MAPKAPK5: variants seen among roughly 807,000 people sequenced by gnomAD.
MAPKAPK5 encodes the protein MAPK activated protein kinase 5.
In MAPKAPK5, 30 loss-of-function variants were observed where a neutral mutation model predicts 65.1. The observed-to-expected ratio is 0.46, with a 90% confidence interval of 0.34 to 0.63. The LOEUF (loss-of-function observed/expected upper bound fraction) is 0.63. MAPKAPK5 is among the 20% of genes least tolerant of loss of function. The pLI is 0.01. For missense variants in MAPKAPK5, 433 were observed against 581.4 expected, an observed-to-expected ratio of 0.74 and a Z score of 2.63; for synonymous variants, 179 against 204.6, an observed-to-expected ratio of 0.87 and a Z score of 1.07.
At chr12:111,862,793 T>C (rs1240661973) in intron 1 of MAPKAPK5, among the ~76,000 whole-genome samples, 3 of 152,218 alleles carry the variant, frequency 2.0e-5, no homozygotes, top group Non-Finnish European at 2.9e-5. Context: ...AATAGTTCAG[T>C]AGAACAAATC....
rs1160536703 is a variant in MAPKAPK5 at position 111,892,984 on chromosome 12, A to G, written c.1339A>G (p.Lys447Glu). 3 of 1,576,630 alleles carry G rather than the reference A, an allele frequency of 1.9e-6. No homozygotes were observed. The highest frequency in any genetic ancestry group is 2.6e-6 in the Non-Finnish European group (3 of 1,160,580). Residue 447 changes from lysine to glutamate, a missense_variant, in exon 14 of 14, where the codon AAA becomes GAA. Coordinates refer to ENST00000550735, the MANE Select transcript of MAPKAPK5 (RefSeq NM_003668.4). ...GCTTTCAGGTCGTGGATTCACAGATAAAGTAGATCGACTAAAACTGGCAGA... is the reference window on the plus strand; with the variant it reads ...GCTTTCAGGTCGTGGATTCACAGATGAAGTAGATCGACTAAAACTGGCAGA... ...FSWNGRGFTD[K>E]VDRLKLAEIV...
chr12:111,863,857 G>T (rs372826163), intron 1 of MAPKAPK5, among the ~76,000 whole-genome samples: 2 of 151,846 alleles, frequency 1.3e-5, no homozygotes, highest in Non-Finnish European at 2.9e-5. Flanking sequence ...CTCCCACCTC[G>T]GCCTCCCAAA....
chr12:111,873,717 A>G (rs1332113867), intron 7 of MAPKAPK5, among the ~76,000 whole-genome samples: 1 of 152,168 alleles, frequency 6.6e-6, no homozygotes, highest in Non-Finnish European at 1.5e-5. Flanking sequence ...TGTTTGTTTA[A>G]TATATGTATG....
At chr12:111,850,907 T>C (rs74519974) in intron 1 of MAPKAPK5, among the ~76,000 whole-genome samples, 3 of 117,222 alleles carry the variant, frequency 2.6e-5, no homozygotes, top group Admixed American at 8.0e-5. Context: ...TTCTTTTTTT[T>C]TTTTTTTTTT....
chr12:111,898,241 T>G lies in MAPKAPK5; in HGVS notation c.*5180T>G, dbSNP rs568461546. 1 of 151,712 alleles carries G rather than the reference T, an allele frequency of 6.6e-6. No homozygotes were observed. The highest frequency in any genetic ancestry group is 6.6e-5 in the Admixed American group (1 of 15,228). 9.4% of individuals were successfully genotyped at this position (151,712 alleles called of 1,614,324 possible). A position where few individuals can be genotyped will look rare whatever the true frequency, so the allele number is the denominator to read the frequency against. On this transcript the variant is annotated 3_prime_UTR_variant, in exon 14 of 14. Transcript: ENST00000550735. The stretch of plus-strand genomic sequence containing the variant: ...TGGAGTGCAATGGTGTGATCTCGGC[T>G]TACTGCAACCTACGCCTCCTGGGTT...
chr12:111,874,470 G>GTTTTTTT (rs79738806), intron 7 of MAPKAPK5, among the ~76,000 whole-genome samples: 1 of 133,398 alleles, frequency 7.5e-6, no homozygotes, highest in Admixed American at 7.7e-5. Flanking sequence ...TTTGTTTTGG[G>GTTTTTTT]TTTTTTTTTT....
At chr12:111,881,491 G>A (rs1307929020) in intron 8 of MAPKAPK5, among the ~76,000 whole-genome samples, 3 of 145,750 alleles carry the variant, frequency 2.1e-5, no homozygotes, top group Non-Finnish European at 3.0e-5. Context: ...TGCAACCTCC[G>A]CCTCCCGGGT....
intron 1 of MAPKAPK5, among the ~76,000 whole-genome samples, chr12:111,852,279 C>T (rs1426102543): frequency 2.6e-5 from 4 of 152,136 alleles, no homozygotes; most frequent in Non-Finnish European, 4.4e-5. Context: ...CCTGCCTCTC[C>T]TGCCTTCCTT....
rs1245796929 is a variant in MAPKAPK5, at chr12:111,901,493, T to A, written c.*8432T>A. 1 of 430,412 alleles carries A rather than the reference T, an allele frequency of 2.3e-6. No homozygotes were observed. Among genetic ancestry groups the A allele is most frequent in the Non-Finnish European group, 4.6e-6 (1 of 217,316 alleles). The allele number at this position is 430,412 out of a possible 1,614,324, so 26.7% of individuals were successfully genotyped here. On this transcript the variant is annotated 3_prime_UTR_variant, in exon 14 of 14. Coordinates refer to ENST00000550735, the MANE Select transcript of MAPKAPK5 (RefSeq NM_003668.4). Reference sequence around the variant, plus strand: ...TGATATTATCATTCATTATACTTTTTATAATATTATTATTAAGTACAATTA... The same window carrying A: ...TGATATTATCATTCATTATACTTTTAATAATATTATTATTAAGTACAATTA...
intron 1 of MAPKAPK5, among the ~76,000 whole-genome samples, chr12:111,843,959 C>T (rs576548578): frequency 2.6e-5 from 4 of 151,780 alleles, no homozygotes; most frequent in Admixed American, 2.0e-4. Context: ...ATTACAGGCG[C>T]CCACCCACCA....
At position 111,900,552 on chromosome 12, in the gene MAPKAPK5, C is replaced by T. The variant is rs571951649; in HGVS notation, c.*7491C>T. 4.8e-5 allele frequency: 22 copies of T among 455,996 alleles called. No homozygotes were observed. The highest frequency in any genetic ancestry group is 3.5e-4 in the Admixed American group (15 of 42,554). 28.2% of individuals were successfully genotyped at this position (455,996 alleles called of 1,614,324 possible). ...ATTTAACAAGCCACGGCCCAGGGGC[C>T]GCAAGCGTAGGGATTCTGCCTGTGG... On this transcript the variant is annotated 3_prime_UTR_variant, in exon 14 of 14. Coordinates refer to ENST00000550735, the MANE Select transcript of MAPKAPK5 (RefSeq NM_003668.4).
Position 111,868,932 on chromosome 12 carries a change from A to G in MAPKAPK5, c.393+71A>G, listed in dbSNP as rs1292445355. 6 of 1,156,016 alleles carry G rather than the reference A, an allele frequency of 5.2e-6. No homozygotes were observed. In the African/African-American group the frequency reaches 6.3e-5, roughly 12 times the overall value. 71.6% of individuals were successfully genotyped at this position (1,156,016 alleles called of 1,614,324 possible). On this transcript the variant is annotated intron_variant, in intron 5 of 13. Transcript: ENST00000550735. ...AACAAGCACAATTTCATTGGGGGGAAGAAAAGAAAACTTAAAGAAAAGCTC... is the reference window on the plus strand; with the variant it reads ...AACAAGCACAATTTCATTGGGGGGAGGAAAAGAAAACTTAAAGAAAAGCTC...
At chr12:111,869,620 G>A (rs1454803220) in intron 5 of MAPKAPK5, among the ~76,000 whole-genome samples, 2 of 152,200 alleles carry the variant, frequency 1.3e-5, no homozygotes, top group Non-Finnish European at 2.9e-5. Flanking sequence ...GGATTGCTGA[G>A]AAAATGCCAT....
chr12:111,860,801 TC>T (rs2069412866), intron 1 of MAPKAPK5, among the ~76,000 whole-genome samples: 1 of 151,944 alleles, frequency 6.6e-6, no homozygotes, highest in African/African-American at 2.4e-5. Flanking sequence ...TTTTAACTTT[TC>T]CATTGTGGCG....
chr12:111,851,866 A>G (rs1593124363), intron 1 of MAPKAPK5, among the ~76,000 whole-genome samples: 1 of 152,306 alleles, frequency 6.6e-6, no homozygotes, highest in East Asian at 1.9e-4. Flanking sequence ...AAATCATGAA[A>G]GAGATTGTGG....
intron 1 of MAPKAPK5, among the ~76,000 whole-genome samples, chr12:111,846,537 C>G (rs2068911822): frequency 6.6e-6 from 1 of 150,528 alleles, no homozygotes; most frequent in Non-Finnish European, 1.5e-5. Flanking sequence ...GCTCTGATGC[C>G]CAGGCTGGAG....
At chr12:111,866,791 AG>A (rs1196870236) in intron 3 of MAPKAPK5, among the ~76,000 whole-genome samples, 6 of 152,192 alleles carry the variant, frequency 3.9e-5, no homozygotes, top group African/African-American at 1.4e-4. Flanking sequence ...TAGTAGAGAC[AG>A]GGTTTCTCCA....
chr12:111,871,677 G>T (rs1347985325), intron 7 of MAPKAPK5, among the ~76,000 whole-genome samples: 1 of 152,134 alleles, frequency 6.6e-6, no homozygotes, highest in African/African-American at 2.4e-5. Flanking sequence ...AAACTTTATT[G>T]AGGTATGATT....
At chr12:111,857,203 G>A (rs1379146422) in intron 1 of MAPKAPK5, among the ~76,000 whole-genome samples, 1 of 149,098 alleles carries the variant, frequency 6.7e-6, no homozygotes, top group Non-Finnish European at 1.5e-5. Flanking sequence ...ACCTGTTCTA[G>A]TACTTTCTGT....
Sources: allele counts gnomAD v4.1 joint callset (sites outside exome capture counted in the v4.1 genomes callset), GRCh38; gene constraint gnomAD v4.1.1; transcripts MANE v1.5; gene names NCBI Gene and HGNC (gene_info 2026-07-23, HGNC 2026-07-21).